The following FRAS1 variants were observed in gnomAD, a reference collection of about 807,000 sequenced individuals.
FRAS1 encodes Fraser extracellular matrix complex subunit 1, also known as extracellular matrix organizing protein FRAS1.
Under a neutral mutation model 435.2 loss-of-function variants are expected in FRAS1, and 290 were observed. That is an observed-to-expected ratio of 0.67 (90% confidence interval 0.61 to 0.73). The LOEUF is 0.73. FRAS1 is among the 30% of genes least tolerant of loss of function. The pLI is 0.00. For missense variants in FRAS1, 4,860 were observed against 5,001.5 expected (o/e 0.97, Z 0.85); for synonymous variants, 1,800 against 1,851.0 (o/e 0.97, Z 0.71).
intron 3 of FRAS1, among the ~76,000 whole-genome samples, chr4:78,241,740 C>T (rs1725011754): frequency 6.6e-6 from 1 of 152,084 alleles, no homozygotes. Context: ...CCAGGAGGCC[C>T]AGGTTCATTG....
At chr4:78,152,559 G>C (rs916484040) in intron 2 of FRAS1, among the ~76,000 whole-genome samples, 3 of 145,502 alleles carry the variant, frequency 2.1e-5, no homozygotes, top group African/African-American at 7.5e-5. Flanking sequence ...TTCAAGAAAA[G>C]ACTCTTCTTT....
intron 2 of FRAS1, among the ~76,000 whole-genome samples, chr4:78,082,889 A>T (rs1003517841): frequency 4.6e-5 from 7 of 152,144 alleles, no homozygotes; most frequent in Admixed American, 4.6e-4. Flanking sequence ...ATAGTAATTT[A>T]GTTTCTCAAC....
Position 78,387,300 on chromosome 4 carries a change from A to G in FRAS1, c.3649-75A>G, listed in dbSNP as rs140683692. ...GAGTTTCTCAAAAAGTATAGGAATAACAATCAGGTATCTAGTCCACTGGAT... is the reference window on the plus strand; with the variant it reads ...GAGTTTCTCAAAAAGTATAGGAATAGCAATCAGGTATCTAGTCCACTGGAT... On this transcript the variant is annotated intron_variant, in intron 28 of 73. Transcript: ENST00000512123. 133 of 1,079,078 alleles carry G rather than the reference A, an allele frequency of 1.2e-4. No homozygotes were observed. In the African/African-American group the frequency reaches 1.9e-3, roughly 16 times the overall value. The allele number at this position is 1,079,078 out of a possible 1,614,324, so 66.8% of individuals were successfully genotyped here.
At chr4:78,487,175 G>C (rs537636796) in intron 58 of FRAS1, among the ~76,000 whole-genome samples, 1 of 152,138 alleles carries the variant, frequency 6.6e-6, no homozygotes, top group African/African-American at 2.4e-5. Context: ...ACTGGGTTAC[G>C]GAGCCCTAAC....
At chr4:78,164,133 G>T (rs1243437592) in intron 2 of FRAS1, among the ~76,000 whole-genome samples, 2 of 152,196 alleles carry the variant, frequency 1.3e-5, no homozygotes, top group African/African-American at 4.8e-5. Flanking sequence ...TAAGTCAAAT[G>T]GTTTGTGATA....
At chr4:78,440,520 G>C (rs1307242190) in intron 40 of FRAS1, among the ~76,000 whole-genome samples, 2 of 152,106 alleles carry the variant, frequency 1.3e-5, no homozygotes, top group African/African-American at 2.4e-5. Context: ...TCTCCAGCAG[G>C]CTAGAGAAAA....
At chr4:78,422,126 T>C (rs1447456508) in intron 34 of FRAS1, 126 bp downstream of exon 34, 1 of 1,002,090 alleles carries the variant, frequency 1.0e-6, no homozygotes, top group Non-Finnish European at 1.4e-6. Flanking sequence ...CTATTCAAAA[T>C]AGCTTGAGAC....
rs115281127 is a variant in FRAS1, at chr4:78,494,503, G to A, written c.8959-2302G>A. On this transcript the variant is annotated intron_variant, in intron 59 of 73. Transcript: ENST00000512123. ...AGGAGGAAAGAGAGAGGGTAGGGAG[G>A]TGTCAGACTCTTATTAACTACCTTA... 4.2e-3 allele frequency among the ~76,000 whole-genome samples: 639 copies of A among 152,152 alleles called. 6 individuals carry two copies. Among genetic ancestry groups the A allele is most frequent in the African/African-American group, 0.014 (599 of 41,504 alleles).
chr4:78,291,701 C>G (rs1430702782), intron 14 of FRAS1, among the ~76,000 whole-genome samples: 1 of 152,138 alleles, frequency 6.6e-6, no homozygotes, highest in Non-Finnish European at 1.5e-5. Context: ...AAATAAGATT[C>G]AGTCTTTGCC....
intron 2 of FRAS1, among the ~76,000 whole-genome samples, chr4:78,118,913 C>T (rs776428023): frequency 2.1e-4 from 32 of 152,308 alleles, no homozygotes; most frequent in African/African-American, 6.0e-4. Flanking sequence ...GCATCACTCA[C>T]GCTGGGAGCT....
intron 51 of FRAS1, 126 bp from the exon 52 acceptor site, chr4:78,472,054 C>G: frequency 1.0e-6 from 1 of 980,820 alleles, no homozygotes. Context: ...CCAATCCTGA[C>G]AGAGCTTTCC....
chr4:78,528,803 A>C (rs1388466672), intron 70 of FRAS1, among the ~76,000 whole-genome samples: 1 of 152,088 alleles, frequency 6.6e-6, no homozygotes, highest in Non-Finnish European at 1.5e-5. Flanking sequence ...CATATGACAG[A>C]TGTATGTTTA....
intron 2 of FRAS1, 21 bp from the exon 3 acceptor site, chr4:78,237,489 A>C: frequency 3.2e-6 from 5 of 1,570,674 alleles, no homozygotes; most frequent in Non-Finnish European, 4.4e-6. Context: ...TTTTTAAATC[A>C]GAGCTTATGC....
intron 70 of FRAS1, among the ~76,000 whole-genome samples, chr4:78,527,991 T>C (rs1281170084): frequency 6.6e-6 from 1 of 152,040 alleles, no homozygotes; most frequent in African/African-American, 2.4e-5. Context: ...GTTCATCCAC[T>C]GAAGAGGCAG....
intron 2 of FRAS1, among the ~76,000 whole-genome samples, chr4:78,140,730 C>T (rs1486938350): frequency 1.0e-4 from 15 of 143,472 alleles, no homozygotes; most frequent in Non-Finnish European, 1.8e-4. Flanking sequence ...TATGTATATA[C>T]GTGTGTGTAT....
chr4:78,080,224 G>C (rs1045320690), intron 2 of FRAS1, among the ~76,000 whole-genome samples: 16 of 152,230 alleles, frequency 1.1e-4, no homozygotes, highest in African/African-American at 3.8e-4. Context: ...CCTCTGCCTC[G>C]AGAAGCCTGA....
At chr4:78,231,204 C>T (rs1023127383) in intron 2 of FRAS1, among the ~76,000 whole-genome samples, 8 of 151,984 alleles carry the variant, frequency 5.3e-5, no homozygotes, top group Admixed American at 5.2e-4. Context: ...ATTCACCCTC[C>T]TTGGTCTCCC....
At chr4:78,195,679 TCTTTGA>T (rs1019546389) in intron 2 of FRAS1, among the ~76,000 whole-genome samples, 1 of 152,138 alleles carries the variant, frequency 6.6e-6, no homozygotes, top group African/African-American at 2.4e-5. Context: ...GTCACCCCTT[TCTTTGA>T]CTAGGAAAGG....
intron 43 of FRAS1, 65 bp downstream of exon 43, chr4:78,446,945 A>G: frequency 7.0e-7 from 1 of 1,433,552 alleles, no homozygotes; most frequent in Non-Finnish European, 9.5e-7. Context: ...TAGAATAAAC[A>G]CAAATATTTC....
Sources: gnomAD v4.1 joint callset for allele counts (sites outside exome capture counted in the v4.1 genomes callset) on GRCh38, gnomAD v4.1.1 for gene constraint, MANE v1.5 for transcripts, NCBI Gene and HGNC (gene_info 2026-07-23, HGNC 2026-07-21) for gene names.